RARS1: variants seen among roughly 807,000 people sequenced by gnomAD.
RARS1 encodes arginine--tRNA ligase, cytoplasmic.
In RARS1, 75 loss-of-function variants were observed where a neutral mutation model predicts 78.7. The observed-to-expected ratio is 0.95, with a 90% CI of 0.79 to 1.15. The LOEUF is 1.15. RARS1 is among the 50% of genes most tolerant of loss of function. The pLI is 0.00. For missense variants in RARS1, 787 were observed against 787.5 expected (o/e 1.00, Z 0.01); for synonymous variants, 273 against 268.2 (o/e 1.02, Z -0.18).
intron 9 of RARS1, among the ~76,000 whole-genome samples, chr5:168,502,490 C>T (rs1758351458): frequency 7.0e-6 from 1 of 142,124 alleles, no homozygotes; most frequent in Non-Finnish European, 1.5e-5. Context: ...GGATTATAGA[C>T]ATGAACTACC....
intron 12 of RARS1, among the ~76,000 whole-genome samples, chr5:168,515,054 A>T (rs1260568448): frequency 6.6e-6 from 1 of 152,186 alleles, no homozygotes; most frequent in African/African-American, 2.4e-5. Context: ...TCATATCAGG[A>T]GGCACATGAT....
rs1059443 is a variant in RARS1 at position 168,493,927 on chromosome 5, A to G, written c.403A>G (p.Arg135Gly). Residue 135 changes from arginine (R) to glycine (G), a missense_variant, in exon 4 of 15, where the codon AGA becomes GGA. Transcript: ENST00000231572. ...LKTKEQKVNP[R>G]EIAENITKHL... ...AACCAAGGAACAGAAAGTTAATCCA[A>G]GAGAAATTGCTGAAAACATTACCAA... is the stretch of plus-strand genomic sequence containing the variant. The G allele has an allele frequency of 6.2e-7, 1 of 1,613,496 alleles. No homozygotes were observed. The highest frequency in any genetic ancestry group is 1.1e-5 in the South Asian group (1 of 91,026).
At chr5:168,488,192 A>G in intron 1 of RARS1, 1 of 388,022 alleles carries the variant, frequency 2.6e-6, no homozygotes, top group Admixed American at 3.2e-5. Flanking sequence ...CAGTGGCACG[A>G]TCTCGACTCA....
intron 7 of RARS1, among the ~76,000 whole-genome samples, chr5:168,499,662 A>C (rs1217537808): frequency 6.6e-6 from 1 of 152,190 alleles, no homozygotes; most frequent in African/African-American, 2.4e-5. Context: ...CTATTAATGC[A>C]AGAAATTGTT....
chr5:168,490,562 A>G (rs1464682573), intron 2 of RARS1, among the ~76,000 whole-genome samples: 1 of 152,174 alleles, frequency 6.6e-6, no homozygotes, highest in African/African-American at 2.4e-5. Context: ...ACTTTGCCCT[A>G]CTGAATGAGC....
intron 12 of RARS1, among the ~76,000 whole-genome samples, chr5:168,516,432 A>G (rs758858296): frequency 2.6e-5 from 4 of 152,154 alleles, no homozygotes; most frequent in Non-Finnish European, 4.4e-5. Flanking sequence ...TCTGTTTCCT[A>G]TAACCTCACA....
At chr5:168,503,871 G>T (rs1758378986) in intron 9 of RARS1, among the ~76,000 whole-genome samples, 1 of 151,942 alleles carries the variant, frequency 6.6e-6, no homozygotes, top group Non-Finnish European at 1.5e-5. Context: ...AGGAGTTTGA[G>T]GTCAGTCTGC....
chr5:168,500,729 C>T lies in RARS1; in HGVS notation c.952+9C>T. ...TGATGTCTCCCGCCAAGGTGAGTTT[C>T]TGGGCTTTGTTCCTTCGTCCAGCAA... is the stretch of plus-strand genomic sequence containing the variant. On this transcript the variant is annotated intron_variant, in intron 8 of 14. Coordinates refer to ENST00000231572, the MANE Select transcript of RARS1 (RefSeq NM_002887.4). The T allele has an allele frequency of 1.9e-6, 3 of 1,607,592 alleles. No individual in the cohort carries two copies. The highest frequency in any genetic ancestry group is 2.5e-6 in the Non-Finnish European group (3 of 1,178,056).
chr5:168,503,913 A>C (rs1758380085), intron 9 of RARS1, among the ~76,000 whole-genome samples: 1 of 151,670 alleles, frequency 6.6e-6, no homozygotes, highest in Non-Finnish European at 1.5e-5. Flanking sequence ...TCTGCCAAAA[A>C]ATTAACAAAA....
chr5:168,495,382 T>C lies in RARS1; in HGVS notation c.647T>C (p.Ile216Thr), dbSNP rs753422619. 28 of 1,614,084 alleles carry C rather than the reference T, an allele frequency of 1.7e-5. No homozygotes were observed. The highest frequency in any genetic ancestry group is 2.4e-5 in the Non-Finnish European group (28 of 1,179,974). Reference protein sequence around the residue: ...EMHVGHLRSTIIGESISRLFE... With the variant: ...EMHVGHLRSTTIGESISRLFE... ...CATGTAGGCCACCTGAGGTCAACTA[T>C]CATAGGAGAGAGTATAAGCCGCCTC... is the stretch of plus-strand genomic sequence containing the variant. Residue 216 changes from isoleucine to threonine, a missense_variant, in exon 6 of 15, where the codon ATC (isoleucine) becomes ACC (threonine). Transcript: ENST00000231572.
chr5:168,500,673 C>T lies in RARS1; in HGVS notation c.905C>T (p.Pro302Leu), dbSNP rs757227316. The T allele has an allele frequency of 1.3e-5, 21 of 1,609,758 alleles. No individual in the cohort carries two copies. Among genetic ancestry groups the T allele is most frequent in the Non-Finnish European group, 1.7e-5 (20 of 1,178,870 alleles). Reference sequence around the variant, plus strand: ...GTAGTTCTGCTCCAGGGTAAAAACCCAGATATTACAAAAGCTTGGAAGCTT... The same window carrying T: ...GTAGTTCTGCTCCAGGGTAAAAACCTAGATATTACAAAAGCTTGGAAGCTT... The part of the protein sequence containing the change: ...QCVVLLQGKN[P>L]DITKAWKLIC... Residue 302 changes from proline (P) to leucine (L), a missense_variant, in exon 8 of 15, where the codon CCA (proline) becomes CTA (leucine). Pro to Leu is a moderately conservative substitution (Grantham distance 98). Transcript: ENST00000231572.
intron 2 of RARS1, among the ~76,000 whole-genome samples, chr5:168,491,563 C>T (rs1009064706): frequency 3.4e-4 from 51 of 152,076 alleles, no homozygotes; most frequent in African/African-American, 1.1e-3. Flanking sequence ...ATAGAGAGGG[C>T]TGATGAGGGG....
intron 2 of RARS1, among the ~76,000 whole-genome samples, chr5:168,491,720 A>C (rs1325686133): frequency 6.6e-6 from 1 of 152,188 alleles, no homozygotes; most frequent in African/African-American, 2.4e-5. Context: ...TATTATGTAG[A>C]TGGAATAAGA....
intron 8 of RARS1, among the ~76,000 whole-genome samples, chr5:168,501,034 G>C (rs1227993459): frequency 1.3e-5 from 2 of 152,104 alleles, no homozygotes; most frequent in Non-Finnish European, 2.9e-5. Context: ...AAATGTGTAG[G>C]ACCAAAATGA....
At position 168,510,686 on chromosome 5, in the gene RARS1, G is replaced by A. The variant is rs1372389183; in HGVS notation, c.1452G>A (p.Lys484=). The A allele has an allele frequency of 6.3e-7, 1 of 1,592,410 alleles. No homozygotes were observed. Among genetic ancestry groups the A allele is most frequent in the Admixed American group, 1.8e-5 (1 of 54,690 alleles). The part of the protein sequence containing the change: ...MDKLKEKERD[K]VLTAEELNAA... Reference sequence around the variant, plus strand: ...AGTTGAAGGAAAAAGAAAGAGACAAGGTAATTCAAAGCCTTATAGGCATAA... The same window carrying A: ...AGTTGAAGGAAAAAGAAAGAGACAAAGTAATTCAAAGCCTTATAGGCATAA... The change falls in exon 12 of 15, where the codon AAG becomes AAA. Residue 484 remains lysine, a splice_region_variant and synonymous_variant. Transcript: ENST00000231572.
chr5:168,505,609 C>T (rs1582436916), intron 9 of RARS1, among the ~76,000 whole-genome samples: 1 of 151,570 alleles, frequency 6.6e-6, no homozygotes, highest in East Asian at 1.9e-4. Context: ...CATGGTGGCT[C>T]ACACCTGTAA....
chr5:168,514,671 G>A (rs1758629103), intron 12 of RARS1, among the ~76,000 whole-genome samples: 1 of 152,106 alleles, frequency 6.6e-6, no homozygotes, highest in South Asian at 2.1e-4. Flanking sequence ...TCAAAATCAG[G>A]AAATTAACAT....
At chr5:168,495,250 A>C in intron 5 of RARS1, 65 bp from the exon 6 acceptor site, 1 of 1,541,638 alleles carries the variant, frequency 6.5e-7, no homozygotes, top group East Asian at 2.3e-5. Context: ...GCTCCTCTTA[A>C]AAAAATCTTT....
intron 2 of RARS1, among the ~76,000 whole-genome samples, chr5:168,489,650 A>G (rs1020180444): frequency 2.0e-5 from 3 of 152,126 alleles, no homozygotes; most frequent in African/African-American, 7.2e-5. Flanking sequence ...TGGTGATGAC[A>G]TATCCCAGAG....
Sources: gnomAD v4.1 joint callset for allele counts (sites outside exome capture counted in the v4.1 genomes callset) on GRCh38, gnomAD v4.1.1 for gene constraint, MANE v1.5 for transcripts, NCBI Gene and HGNC (gene_info 2026-07-23, HGNC 2026-07-21) for gene names.